Variants in FAM53A observed in about 807,000 individuals in gnomAD.
FAM53A encodes the protein family with sequence similarity 53 member A, also known as protein FAM53A.
In FAM53A, 28 loss-of-function variants were observed where a neutral mutation model predicts 26.6. The observed-to-expected ratio is 1.05, with a 90% CI of 0.78 to 1.45. The LOEUF is 1.45. Ranked by LOEUF, FAM53A falls within the 40% of genes most tolerant of loss-of-function variation. The pLI, the probability that FAM53A is intolerant of heterozygous loss-of-function variation, is 0.00. For synonymous variants in FAM53A, 290 were observed against 253.1 expected (o/e 1.15, Z -1.38); for missense variants, 650 against 575.8 (o/e 1.13, Z -1.32).
the FAM53A span, among the ~76,000 whole-genome samples, chr4:1,578,038 ACGATTCCTGCCTG>A: frequency 2.0e-4 from 30 of 152,162 alleles, no homozygotes; most frequent in Admixed American, 1.1e-3. Context: ...CAGCCACAGC[ACGATTCCTGCCTG>A]CGATTCCTGC....
At chr4:1,654,037 TGG>T (rs1577121976) in intron 4 of FAM53A, among the ~76,000 whole-genome samples, 1 of 152,088 alleles carries the variant, frequency 6.6e-6, no homozygotes, top group East Asian at 1.9e-4. Context: ...AGGATGGGGC[TGG>T]GGATGAGAGT....
At chr4:1,594,718 A>T in the FAM53A span, among the ~76,000 whole-genome samples, 2 of 152,106 alleles carry the variant, frequency 1.3e-5, no homozygotes, top group African/African-American at 4.8e-5. Flanking sequence ...GGCTCCACAC[A>T]TGTAGTCCCA....
At chr4:1,593,372 T>G in the FAM53A span, among the ~76,000 whole-genome samples, 1 of 151,514 alleles carries the variant, frequency 6.6e-6, no homozygotes, top group African/African-American at 2.4e-5. Flanking sequence ...CCCCTCCGAG[T>G]AGGGTGAGCT....
At chr4:1,663,427 G>A (rs1714000043) in intron 2 of FAM53A, among the ~76,000 whole-genome samples, 3 of 152,182 alleles carry the variant, frequency 2.0e-5, no homozygotes, top group Admixed American at 2.0e-4. Flanking sequence ...GTTCACAGCT[G>A]CATTATCCCT....
intron 1 of FAM53A, among the ~76,000 whole-genome samples, chr4:1,623,470 T>G (rs1379263713): frequency 1.3e-5 from 2 of 152,018 alleles, no homozygotes; most frequent in Admixed American, 1.3e-4. Context: ...CGCCAGCGCT[T>G]TCACCGGATG....
At chr4:1,588,711 C>G in the FAM53A span, among the ~76,000 whole-genome samples, 1 of 152,208 alleles carries the variant, frequency 6.6e-6, no homozygotes, top group Non-Finnish European at 1.5e-5. Flanking sequence ...AGACCCTGAG[C>G]CAGAACCACC....
At chr4:1,611,612 CA>C in the FAM53A span, among the ~76,000 whole-genome samples, 3 of 152,256 alleles carry the variant, frequency 2.0e-5, no homozygotes, top group Admixed American at 1.3e-4. Flanking sequence ...CCTGGGCGGG[CA>C]GCACCGTGCC....
intron 1 of FAM53A, among the ~76,000 whole-genome samples, chr4:1,676,183 G>C (rs546254934): frequency 1.8e-4 from 27 of 152,310 alleles, no homozygotes; most frequent in African/African-American, 6.0e-4. Context: ...TTGGAGGCTG[G>C]GAGTCCAGGA....
intron 1 of FAM53A, among the ~76,000 whole-genome samples, chr4:1,622,820 C>T (rs986198847): frequency 1.3e-5 from 2 of 152,334 alleles, no homozygotes; most frequent in Non-Finnish European, 2.9e-5. Context: ...CCCCACCAGG[C>T]CTGAGGCCAG....
intron 3 of FAM53A, among the ~76,000 whole-genome samples, chr4:1,656,607 T>C (rs1713404601): frequency 6.6e-6 from 1 of 152,120 alleles, no homozygotes; most frequent in Non-Finnish European, 1.5e-5. Flanking sequence ...GTGGCTGGTC[T>C]GACCCCGTGT....
At chr4:1,644,169 G>C (rs552555813) in intron 4 of FAM53A, 3 of 1,533,972 alleles carry the variant, frequency 2.0e-6, no homozygotes, top group Non-Finnish European at 2.6e-6. Flanking sequence ...ACGCACCGGG[G>C]TGGCGGGGAC....
At chr4:1,590,755 T>G in the FAM53A span, among the ~76,000 whole-genome samples, 6 of 151,718 alleles carry the variant, frequency 4.0e-5, no homozygotes, top group Admixed American at 2.0e-4. Flanking sequence ...CCATGAGATG[T>G]GTAAACTGAT....
Position 1,657,480 on chromosome 4 carries a change from G to A in FAM53A, c.76-12C>T. ...GCAGAATACTGCAACTGACAGGAAA[G>A]AGAAGTTTCAATACTGTGACTGACA... On this transcript the variant is annotated splice_polypyrimidine_tract_variant and intron_variant, in intron 2 of 4. Coordinates refer to ENST00000308132, the MANE Select transcript of FAM53A (RefSeq NM_001174070.3). The A allele has an allele frequency of 6.2e-7, 1 of 1,612,934 alleles. No individual in the cohort carries two copies. The highest frequency in any genetic ancestry group is 8.5e-7 in the Non-Finnish European group (1 of 1,179,406).
At position 1,673,624 on chromosome 4, in the gene FAM53A, T is replaced by G. The variant is rs188908321; in HGVS notation, c.-164-4719A>C. On this transcript the variant is annotated intron_variant, in intron 1 of 4. Transcript: ENST00000308132. Reference sequence around the variant, plus strand: ...GGCGCACACCTGTAGTCCCAGCTACTCAGGAGGCTGAGGCAGGAGAATCAC... The same window carrying G: ...GGCGCACACCTGTAGTCCCAGCTACGCAGGAGGCTGAGGCAGGAGAATCAC... Among the ~76,000 whole-genome samples the G allele has an allele frequency of 6.5e-3, 983 of 152,238 alleles. 12 individuals carry two copies. Among genetic ancestry groups the G allele is most frequent in the African/African-American group, 0.022 (924 of 41,510 alleles).
chr4:1,644,223 C>T (rs767954390), intron 4 of FAM53A: 11 of 1,535,912 alleles, frequency 7.2e-6, no homozygotes, highest in South Asian at 2.4e-5. Flanking sequence ...TTTCAAACCA[C>T]GGCGTTTTGT....
the FAM53A span, among the ~76,000 whole-genome samples, chr4:1,599,905 G>A: frequency 6.6e-6 from 1 of 152,096 alleles, no homozygotes; most frequent in East Asian, 1.9e-4. This position sits in a 1 kb window ranked among gnomAD's most constrained non-coding sequence, Gnocchi z 6.1. Flanking sequence ...GCGGTCCCTT[G>A]GGGTACTGCC....
rs1713692770 is a variant in FAM53A, at chr4:1,659,792, G to A, written c.76-2324C>T. On this transcript the variant is annotated intron_variant, in intron 2 of 4. Transcript: ENST00000308132. The surrounding 1 kb of genome is among the most constrained non-coding windows in gnomAD (Gnocchi z 5.2). Reference sequence around the variant, plus strand: ...TCCTGGTTCACAGACGGCTCTTCCGGTTGTATCTATGCATGGTCGAAGGGG... The same window carrying A: ...TCCTGGTTCACAGACGGCTCTTCCGATTGTATCTATGCATGGTCGAAGGGG... Among the ~76,000 whole-genome samples the A allele has an allele frequency of 6.6e-6, 1 of 152,226 alleles. No homozygotes were observed. Among genetic ancestry groups the A allele is most frequent in the South Asian group, 2.1e-4 (1 of 4,828 alleles).
At chr4:1,607,623 A>G in the FAM53A span, among the ~76,000 whole-genome samples, 14 of 152,218 alleles carry the variant, frequency 9.2e-5, no homozygotes, top group African/African-American at 3.4e-4. Context: ...ATCCTGTGGA[A>G]ATCAAGCCAT....
intron 4 of FAM53A, among the ~76,000 whole-genome samples, chr4:1,652,190 C>A (rs1214152703): frequency 6.9e-6 from 1 of 144,228 alleles, no homozygotes; most frequent in Non-Finnish European, 1.5e-5. Context: ...ACACCATACA[C>A]GCCACACACA....
Sources: allele counts gnomAD v4.1 joint callset (sites outside exome capture counted in the v4.1 genomes callset), GRCh38; gene constraint gnomAD v4.1.1; non-coding constraint Gnocchi (gnomAD v3.1); transcripts MANE v1.5; gene names NCBI Gene and HGNC (gene_info 2026-07-23, HGNC 2026-07-21).